FLNB: variants seen among roughly 807,000 people sequenced by gnomAD.
The protein encoded by FLNB is filamin-B.
A neutral mutation model predicts 250.6 loss-of-function variants in FLNB; 111 were observed. The observed-to-expected ratio is 0.44, with a 90% CI of 0.38 to 0.52. The LOEUF (loss-of-function observed/expected upper bound fraction) is 0.52, where lower values mean the gene tolerates loss of function less well. Among genes scored for constraint, FLNB ranks in the 20% least tolerant of loss-of-function variants. The pLI, the probability that FLNB is intolerant of heterozygous loss-of-function variation, is 0.00. For synonymous variants in FLNB, 1,302 were observed against 1,372.1 expected, an observed-to-expected ratio of 0.95 and a Z score of 1.13; for missense variants, 2,869 against 3,447.8, an observed-to-expected ratio of 0.83 and a Z score of 4.20.
intron 18 of FLNB, among the ~76,000 whole-genome samples, chr3:58,114,552 G>T (rs74867793): frequency 4.6e-3 from 212 of 45,806 alleles, no homozygotes; most frequent in Middle Eastern, 0.014. Flanking sequence ...TTATAAACCC[G>T]AAATGGAATT....
chr3:58,143,619 C>A lies in FLNB; in HGVS notation c.5425+6C>A. ...CATGGGCAGCCACATCCCTGGTAAG[C>A]TGAGTCAGCAGGCCCAGCAGGGCTC... On this transcript the variant is annotated splice_donor_region_variant and intron_variant, in intron 32 of 45. Coordinates refer to ENST00000295956, the MANE Select transcript of FLNB (RefSeq NM_001457.4). The A allele has an allele frequency of 6.2e-7, 1 of 1,613,774 alleles. No homozygotes were observed. Among genetic ancestry groups the A allele is most frequent in the South Asian group, 1.1e-5 (1 of 91,066 alleles).
intron 1 of FLNB, among the ~76,000 whole-genome samples, chr3:58,022,237 T>G (rs2097115200): frequency 6.6e-6 from 1 of 152,220 alleles, no homozygotes; most frequent in African/African-American, 2.4e-5. Context: ...ATAAACAGTC[T>G]CTAGTATAAT....
At chr3:58,159,828 G>GT in intron 42 of FLNB, 142 bp downstream of exon 42, 1 of 898,000 alleles carries the variant, frequency 1.1e-6, no homozygotes, top group Non-Finnish European at 1.7e-6. Context: ...GCCAGATATT[G>GT]TTTATAAATT....
At chr3:58,077,003 G>A (rs376120218) in intron 1 of FLNB, 43 bp from the exon 2 acceptor site, 7 of 1,612,584 alleles carry the variant, frequency 4.3e-6, no homozygotes, top group Non-Finnish European at 5.9e-6. Flanking sequence ...ATTTACACTT[G>A]TGTAACCCAA....
chr3:58,162,256 C>A (rs371256907), intron 42 of FLNB, among the ~76,000 whole-genome samples: 3 of 152,046 alleles, frequency 2.0e-5, no homozygotes, highest in Admixed American at 1.3e-4. Flanking sequence ...AGGGAGAGAC[C>A]GAGAGACTAC....
chr3:58,123,296 C>T lies in FLNB; in HGVS notation c.3330C>T (p.Asn1110=). ...LPTKPGEYFV[N]ILFEEVHIPG... is the part of the protein sequence containing the mutation. The stretch of plus-strand genomic sequence containing the variant: ...CAAAACCCGGGGAGTACTTCGTCAA[C>T]ATCCTCTTTGAAGAAGTCCACATAC... Residue 1110 remains asparagine, a synonymous_variant, in exon 21 of 46, where the codon AAC becomes AAT. Coordinates refer to ENST00000295956, the MANE Select transcript of FLNB (RefSeq NM_001457.4). The T allele has an allele frequency of 6.2e-7, 1 of 1,614,196 alleles. No homozygotes were observed.
At position 58,148,713 on chromosome 3, in the gene FLNB, T is replaced by G. The variant is rs776365223; in HGVS notation, c.5952T>G (p.His1984Gln). The G allele has an allele frequency of 9.9e-6, 16 of 1,613,918 alleles. No homozygotes were observed. In the South Asian group the frequency reaches 1.6e-4, roughly 17 times the overall value. The change falls in exon 36 of 46, where the codon CAT becomes CAG. Residue 1984 changes from histidine (H) to glutamine (Q), a missense_variant. His to Gln is a conservative substitution (Grantham distance 24, BLOSUM62 0). Coordinates refer to ENST00000295956, the MANE Select transcript of FLNB (RefSeq NM_001457.4). ...TCAGCATCAAGAAAAATGGCAACCA[T>G]GTGGCCAACAGCCCCGTGTCTATCA... ...HLVSIKKNGN[H>Q]VANSPVSIMV...
At chr3:58,101,744 T>G (rs2097251549) in intron 8 of FLNB, among the ~76,000 whole-genome samples, 1 of 152,202 alleles carries the variant, frequency 6.6e-6, no homozygotes, top group South Asian at 2.1e-4. Context: ...ATTTAGACAC[T>G]TAAAAATGGC....
At chr3:58,154,597 T>G in intron 39 of FLNB, 194 bp from the exon 40 acceptor site, 1 of 580,476 alleles carries the variant, frequency 1.7e-6, no homozygotes, top group East Asian at 3.0e-5. Flanking sequence ...GTCCTGTGAA[T>G]TTAGTTATCA....
rs749317362 is a variant in FLNB at position 58,145,950 on chromosome 3, C to T, written c.5455C>T (p.Pro1819Ser). ...ESPLQFYVNY[P>S]NSGSVSAYGP... ...CCCACTCCAGTTCTACGTGAACTAC[C>T]CCAACAGTGGAAGTGTTTCTGCATA... The change falls in exon 33 of 46, where the codon CCC becomes TCC. Residue 1819 changes from proline (P) to serine (S), a missense_variant. Around this residue, in one of 5 missense-constraint regions of FLNB, gnomAD observed 1,084 missense variants for 1,315.5 expected, o/e 0.82. Coordinates refer to ENST00000295956, the MANE Select transcript of FLNB (RefSeq NM_001457.4). The T allele has an allele frequency of 6.2e-7, 1 of 1,614,138 alleles. No homozygotes were observed. The highest frequency in any genetic ancestry group is 1.7e-5 in the Admixed American group (1 of 60,014).
rs1178934749 is a variant in FLNB, at chr3:58,121,385, C to T, written c.3008C>T (p.Thr1003Met). 13 of 1,614,118 alleles carry T rather than the reference C, an allele frequency of 8.1e-6. No individual in the cohort carries two copies. Among genetic ancestry groups the T allele is most frequent in the East Asian group, 6.7e-5 (3 of 44,878 alleles). Residue 1003 changes from threonine to methionine, a missense_variant, in exon 20 of 46, where the codon ACG becomes ATG. By Grantham distance (81) the Thr-to-Met change is moderately conservative. Coordinates refer to ENST00000295956, the MANE Select transcript of FLNB (RefSeq NM_001457.4). ...VTPVTGRENS[T>M]AKFIPREEGL... ...CCTGTGACAGGCCGGGAGAACAGCA[C>T]GGCCAAGTTCATCCCTCGGGAGGAG... is the stretch of plus-strand genomic sequence containing the variant.
chr3:58,014,599 C>T (rs1354254784), intron 1 of FLNB, among the ~76,000 whole-genome samples: 2 of 152,186 alleles, frequency 1.3e-5, no homozygotes, highest in African/African-American at 4.8e-5. Flanking sequence ...GAGGCAGGTA[C>T]CATGGAGTGG....
intron 1 of FLNB, among the ~76,000 whole-genome samples, chr3:58,010,994 A>G (rs2097097788): frequency 6.6e-6 from 1 of 152,058 alleles, no homozygotes; most frequent in South Asian, 2.1e-4. Flanking sequence ...TGCTCACTGC[A>G]ACCTCCACCT....
In FLNB at chr3:58,077,279, G is replaced by C; in HGVS notation, c.526G>C (p.Asp176His). The change falls in exon 2 of 46, where the codon GAC (aspartate) becomes CAC (histidine). Residue 176 changes from aspartate to histidine, a missense_variant. Around this residue, in one of 5 missense-constraint regions of FLNB, gnomAD observed 308 missense variants for 466.1 expected, o/e 0.66. Coordinates refer to ENST00000295956, the MANE Select transcript of FLNB (RefSeq NM_001457.4). ...CGGCAAAGCCCTGGGAGCCCTGGTA[G>C]ACAGCTGTGCTCCAGGTAAGTGGCC... ...QDGKALGALV[D>H]SCAPGLCPDW... 6.2e-7 allele frequency: 1 copy of C among 1,614,100 alleles called. No individual in the cohort carries two copies. Among genetic ancestry groups the C allele is most frequent in the Non-Finnish European group, 8.5e-7 (1 of 1,179,970 alleles).
chr3:58,080,494 ATT>A (rs5849235), intron 3 of FLNB, among the ~76,000 whole-genome samples: 13 of 129,546 alleles, frequency 1.0e-4, no homozygotes, highest in Admixed American at 7.8e-5. Flanking sequence ...CCCATTCCCT[ATT>A]TTTTTTTTTT....
intron 10 of FLNB, among the ~76,000 whole-genome samples, chr3:58,104,689 T>C (rs2097256722): frequency 6.6e-6 from 1 of 152,234 alleles, no homozygotes; most frequent in Non-Finnish European, 1.5e-5. Flanking sequence ...AGCACATTCA[T>C]TCATGTATGA....
At chr3:58,116,425 C>T (rs1324764818) in intron 18 of FLNB, among the ~76,000 whole-genome samples, 1 of 152,194 alleles carries the variant, frequency 6.6e-6, no homozygotes, top group African/African-American at 2.4e-5. Flanking sequence ...CAGGCTGTGC[C>T]ACGTGGGGAG....
chr3:58,075,890 G>C (rs1299671874), intron 1 of FLNB, among the ~76,000 whole-genome samples: 1 of 152,130 alleles, frequency 6.6e-6, no homozygotes, highest in Non-Finnish European at 1.5e-5. Context: ...CGGAGAGAGA[G>C]AGAAAGTTGC....
intron 29 of FLNB, among the ~76,000 whole-genome samples, chr3:58,138,755 C>T (rs1277766709): frequency 6.6e-6 from 1 of 152,202 alleles, no homozygotes; most frequent in Non-Finnish European, 1.5e-5. Context: ...AGGTGTCTAT[C>T]ATAATAAGGG....
Sources: gnomAD v4.1 joint callset for allele counts (sites outside exome capture counted in the v4.1 genomes callset) on GRCh38, gnomAD v4.1.1 for gene constraint, gnomAD v4.1.1 regional missense constraint, MANE v1.5 for transcripts, NCBI Gene and HGNC (gene_info 2026-07-23, HGNC 2026-07-21) for gene names.